Variants in WWP2 observed in about 807,000 individuals in gnomAD.
The protein encoded by WWP2 is WW domain containing E3 ubiquitin protein ligase 2, also known as NEDD4-like E3 ubiquitin-protein ligase WWP2.
WWP2 carries 57 observed loss-of-function variants against 121.0 expected under a neutral mutation model. That is an observed-to-expected ratio of 0.47 (90% confidence interval 0.38 to 0.59). The LOEUF is 0.59. Ranked by LOEUF, WWP2 falls within the 20% of genes least tolerant of loss-of-function variation. The probability of loss-of-function intolerance (pLI) is 0.00; values close to 1 mark genes in which losing one functional copy is unlikely to be tolerated. For synonymous variants in WWP2, 449 were observed against 441.3 expected (o/e 1.02, Z -0.22); for missense variants, 962 against 1,158.9 (o/e 0.83, Z 2.47).
chr16:69,823,394 GA>G (rs913671524), intron 4 of WWP2, among the ~76,000 whole-genome samples: 1 of 152,038 alleles, frequency 6.6e-6, no homozygotes, highest in African/African-American at 2.4e-5. Flanking sequence ...AGTCCCTGGA[GA>G]AAGACTGGGA....
chr16:69,921,872 A>G (rs1442561011), intron 10 of WWP2, among the ~76,000 whole-genome samples: 5 of 151,956 alleles, frequency 3.3e-5, no homozygotes, highest in African/African-American at 1.2e-4. Context: ...TCGGGAGTTC[A>G]AGACCATCCT....
intron 4 of WWP2, among the ~76,000 whole-genome samples, chr16:69,826,709 C>A (rs1005525442): frequency 7.9e-6 from 1 of 126,428 alleles, no homozygotes; most frequent in African/African-American, 3.0e-5. Flanking sequence ...GAAACCCTCT[C>A]TCTAATAAAA....
chr16:69,931,238 G>T lies in WWP2; in HGVS notation c.1521+11G>T, dbSNP rs1244562943. The T allele has an allele frequency of 6.2e-7, 1 of 1,614,004 alleles. No homozygotes were observed. The highest frequency in any genetic ancestry group is 1.3e-5 in the African/African-American group (1 of 75,004). ...CGTTTCCTCTGCCATGTGAGTTCTG[G>T]TACTGGGGCTCCCGTGGCAGTTGGG... On this transcript the variant is annotated intron_variant, in intron 14 of 23. Coordinates refer to ENST00000359154, the MANE Select transcript of WWP2 (RefSeq NM_001270454.2).
chr16:69,766,160 A>T (rs2038724822), intron 1 of WWP2, among the ~76,000 whole-genome samples: 2 of 152,064 alleles, frequency 1.3e-5, no homozygotes, highest in South Asian at 2.1e-4. Context: ...TCAGTTAATG[A>T]CAACTCCATT....
At chr16:69,888,867 C>G (rs921970924) in intron 8 of WWP2, among the ~76,000 whole-genome samples, 12 of 152,112 alleles carry the variant, frequency 7.9e-5, no homozygotes, top group Non-Finnish European at 1.5e-5. Context: ...ACCACACTGG[C>G]TAATTTTTTT....
rs1326825786 is a variant in WWP2, at chr16:69,789,955, T to C, written c.70+2875T>C. Among the ~76,000 whole-genome samples the C allele has an allele frequency of 9.1e-4, 139 of 152,090 alleles. 1 individual carries two copies. Among genetic ancestry groups the C allele is most frequent in the Non-Finnish European group, 2.9e-5 (2 of 67,992 alleles). On this transcript the variant is annotated intron_variant, in intron 2 of 23. Transcript: ENST00000359154. ...AAAGCCTTGCCAATAACAGAAACAG[T>C]TGATTGGCTGGGTGCGGTGGCTCAC...
In WWP2 at chr16:69,934,145, G is replaced by A. The variant is rs760769343; in HGVS notation, c.1842+16G>A. The A allele has an allele frequency of 5.6e-6, 9 of 1,613,944 alleles. 1 individual carries two copies. Among genetic ancestry groups the A allele is most frequent in the South Asian group, 2.2e-5 (2 of 91,064 alleles). ...CATCGCCATGGTAAGGGGGCCCCAG[G>A]GGTCTGCCTAGTTCCCTCCTCCTCT... On this transcript the variant is annotated intron_variant, in intron 17 of 23. Transcript: ENST00000359154.
intron 6 of WWP2, among the ~76,000 whole-genome samples, chr16:69,852,137 C>T (rs1267739383): frequency 6.6e-6 from 1 of 152,184 alleles, no homozygotes; most frequent in Non-Finnish European, 1.5e-5. Flanking sequence ...TGCATTGCCA[C>T]CAGCAGTGAG....
intron 1 of WWP2, among the ~76,000 whole-genome samples, chr16:69,782,861 A>C (rs1182891911): frequency 6.6e-6 from 1 of 152,124 alleles, no homozygotes; most frequent in East Asian, 1.9e-4. Flanking sequence ...AATAGAGCCA[A>C]GGTCTCACTA....
intron 4 of WWP2, among the ~76,000 whole-genome samples, chr16:69,801,435 T>G (rs2151816858): frequency 6.6e-6 from 1 of 152,106 alleles, no homozygotes; most frequent in East Asian, 1.9e-4. Flanking sequence ...TAGGTCTCAC[T>G]ATGTTGCCAG....
chr16:69,930,180 G>T lies in WWP2; in HGVS notation c.1367G>T (p.Ser456Ile), dbSNP rs369279393. 1.2e-6 allele frequency: 2 copies of T among 1,613,962 alleles called. No homozygotes were observed. The highest frequency in any genetic ancestry group is 2.7e-5 in the African/African-American group (2 of 74,914). Residue 456 changes from serine to isoleucine, a missense_variant, in exon 13 of 24, where the codon AGC becomes ATC. By Grantham distance (142) the Ser-to-Ile change is moderately radical. Transcript: ENST00000359154. ...LPPGWEMKYT[S>I]EGVRYFVDHN... The stretch of plus-strand genomic sequence containing the variant: ...CCAGGATGGGAGATGAAATACACCA[G>T]CGAGGGGGTGCGATACTTTGTGGAC...
intron 6 of WWP2, among the ~76,000 whole-genome samples, chr16:69,860,387 A>G (rs753917725): frequency 6.6e-6 from 1 of 152,228 alleles, no homozygotes; most frequent in East Asian, 1.9e-4. Context: ...TCACAAAACA[A>G]GACATGATCT....
intron 9 of WWP2, chr16:69,909,485 G>A (rs1025764248): frequency 5.1e-6 from 5 of 985,430 alleles, no homozygotes; most frequent in Non-Finnish European, 6.0e-6. Flanking sequence ...CAGCTGTCAG[G>A]CGTGTGCCAC....
intron 6 of WWP2, among the ~76,000 whole-genome samples, chr16:69,859,579 A>T (rs989990419): frequency 3.3e-5 from 5 of 152,152 alleles, no homozygotes; most frequent in African/African-American, 9.6e-5. Flanking sequence ...AAGAAAAAAA[A>T]AGTCATTCAG....
intron 6 of WWP2, among the ~76,000 whole-genome samples, chr16:69,861,547 G>A (rs1198402174): frequency 1.3e-5 from 2 of 152,112 alleles, no homozygotes; most frequent in Admixed American, 6.5e-5. Context: ...GTAGGGTGTG[G>A]AATGGAGCCG....
intron 1 of WWP2, among the ~76,000 whole-genome samples, chr16:69,766,956 G>T (rs1435518576): frequency 6.6e-6 from 1 of 151,358 alleles, no homozygotes; most frequent in Non-Finnish European, 1.5e-5. Flanking sequence ...GTTTCACCAG[G>T]TTGGTCAGGC....
rs1013557134 is a variant in WWP2 at position 69,877,933 on chromosome 16, C to A, written c.703+6002C>A. Among the ~76,000 whole-genome samples, 7 of 152,046 alleles carry A rather than the reference C, an allele frequency of 4.6e-5. 1 individual carries two copies. Among genetic ancestry groups the A allele is most frequent in the East Asian group, 1.9e-4 (1 of 5,186 alleles). ...AGCGATTCTCCTGCCTCAGCCCCCC[C>A]AGTAGCTGGGATTATAGGCGCGTGC... On this transcript the variant is annotated intron_variant, in intron 7 of 23. Transcript: ENST00000359154.
intron 22 of WWP2, 28 bp from the exon 23 acceptor site, chr16:69,939,313 C>A: frequency 6.2e-7 from 1 of 1,613,868 alleles, no homozygotes; most frequent in Non-Finnish European, 8.5e-7. Context: ...TCTCTGCTGA[C>A]GTCGGCGTGT....
intron 1 of WWP2, among the ~76,000 whole-genome samples, chr16:69,781,127 A>T (rs1346594029): frequency 6.6e-6 from 1 of 151,962 alleles, no homozygotes; most frequent in Non-Finnish European, 1.5e-5. Flanking sequence ...ATTTGGCTTT[A>T]AAAAAGGAAA....
Sources: gnomAD v4.1 joint callset for allele counts (sites outside exome capture counted in the v4.1 genomes callset) on GRCh38, gnomAD v4.1.1 for gene constraint, MANE v1.5 for transcripts, NCBI Gene and HGNC (gene_info 2026-07-23, HGNC 2026-07-21) for gene names.